C16orf96: variants seen among roughly 807,000 people sequenced by gnomAD.
C16orf96 encodes the protein chromosome 16 open reading frame 96.
Under a neutral mutation model 103.6 loss-of-function variants are expected in C16orf96, and 108 were observed. The ratio of observed to expected loss-of-function variants is 1.04; its 90% CI spans 0.89 to 1.22. The LOEUF (loss-of-function observed/expected upper bound fraction) is 1.22, where lower values mean the gene tolerates loss of function less well. Among genes scored for constraint, C16orf96 ranks in the 50% most tolerant of loss-of-function variants. The pLI is 0.00. For missense variants in C16orf96, 1,586 were observed against 1,464.2 expected (o/e 1.08, Z -1.36); for synonymous variants, 566 against 593.5 (o/e 0.95, Z 0.67).
chr16:4,576,967 G>A (rs546575018), intron 5 of C16orf96, among the ~76,000 whole-genome samples: 2 of 151,846 alleles, frequency 1.3e-5, no homozygotes, highest in Admixed American at 6.6e-5. Flanking sequence ...TGAGGTGGGC[G>A]GATCACCTGA....
chr16:4,565,557 C>T (rs2059378396), intron 1 of C16orf96, among the ~76,000 whole-genome samples: 1 of 152,224 alleles, frequency 6.6e-6, no homozygotes, highest in Non-Finnish European at 1.5e-5. Flanking sequence ...GGCACAGTCT[C>T]AGCTCACTGC....
chr16:4,562,884 G>C, intron 1 of C16orf96: 1 of 1,409,858 alleles, frequency 7.1e-7, no homozygotes, highest in Non-Finnish European at 1.0e-6. Flanking sequence ...TGGATTTAAA[G>C]AAATACCTTT....
Position 4,576,361 on chromosome 16 carries a change from G to A in C16orf96, c.1881G>A (p.Gly627=). Residue 627 remains glycine (G), a synonymous_variant, in exon 5 of 16, where the codon GGG becomes GGA. Transcript: ENST00000444310. ...TCTTTGCAGATGTCCTGGGTGCAGGGCCTTCCCGGGGAGCCACAGAATCCC... is the reference window on the plus strand; with the variant it reads ...TCTTTGCAGATGTCCTGGGTGCAGGACCTTCCCGGGGAGCCACAGAATCCC... The part of the protein sequence containing the change: ...LGVFADVLGA[G]PSRGATESQI... 4 of 1,550,902 alleles carry A rather than the reference G, an allele frequency of 2.6e-6. No individual in the cohort carries two copies. Among genetic ancestry groups the A allele is most frequent in the Non-Finnish European group, 3.5e-6 (4 of 1,147,002 alleles).
chr16:4,567,601 T>C (rs762592322), intron 1 of C16orf96, among the ~76,000 whole-genome samples: 28 of 150,508 alleles, frequency 1.9e-4, no homozygotes, highest in Admixed American at 1.1e-3. Flanking sequence ...CATATTCCTT[T>C]TGTGATTTCT....
Position 4,593,995 on chromosome 16 carries a change from G to C in C16orf96, c.2868-356G>C, listed in dbSNP as rs902600894. 2.0e-5 allele frequency among the ~76,000 whole-genome samples: 3 copies of C among 152,140 alleles called. No homozygotes were observed. Among genetic ancestry groups the C allele is most frequent in the East Asian group, 1.9e-4 (1 of 5,190 alleles). ...CGTCTGGCCAGGTGGGGGAAGAACCGGTGAATCGTCACCACAGCCGTGGGA... is the reference window on the plus strand; with the variant it reads ...CGTCTGGCCAGGTGGGGGAAGAACCCGTGAATCGTCACCACAGCCGTGGGA... On this transcript the variant is annotated intron_variant, in intron 12 of 15. Transcript: ENST00000444310. This position sits in a 1 kb window ranked among gnomAD's most constrained non-coding sequence, Gnocchi z 4.2.
intron 7 of C16orf96, 53 bp from the exon 8 acceptor site, chr16:4,586,986 T>G: frequency 1.3e-6 from 2 of 1,503,544 alleles, no homozygotes; most frequent in Non-Finnish European, 1.8e-6. Flanking sequence ...AGGTTGACAT[T>G]TTATCCTCAA....
rs1375316039 is a variant in C16orf96 at position 4,600,389 on chromosome 16, A to C, written c.*72A>C. 2.0e-6 allele frequency: 2 copies of C among 990,294 alleles called. No individual in the cohort carries two copies. Among genetic ancestry groups the C allele is most frequent in the African/African-American group, 3.1e-5 (1 of 32,762 alleles). 61.3% of individuals were successfully genotyped at this position (990,294 alleles called of 1,614,324 possible). ...AGGCTGAGGCCCATGTGGCCCTCCC[A>C]CTCCCACCAAGTCCCCTCCACATCG... On this transcript the variant is annotated 3_prime_UTR_variant, in exon 16 of 16. Transcript: ENST00000444310.
chr16:4,598,382 G>A (rs1259451901), intron 14 of C16orf96, among the ~76,000 whole-genome samples: 1 of 151,674 alleles, frequency 6.6e-6, no homozygotes. Flanking sequence ...GAAAAGAAAT[G>A]TCCAGAATAG....
In C16orf96 at chr16:4,593,141, G is replaced by C. The variant is rs1897096697; in HGVS notation, c.2775-83G>C. On this transcript the variant is annotated intron_variant, in intron 11 of 15. Transcript: ENST00000444310. This position sits in a 1 kb window ranked among gnomAD's most constrained non-coding sequence, Gnocchi z 4.2. ...GCACCTCCTTCCTCCTGCTGGGAAG[G>C]CTTCCTGGAGGGGTGGGAGACGAGC... The C allele has an allele frequency of 2.3e-6, 3 of 1,320,082 alleles. No homozygotes were observed. Among genetic ancestry groups the C allele is most frequent in the Admixed American group, 4.0e-5 (2 of 50,226 alleles). The allele number at this position is 1,320,082 out of a possible 1,614,324, so 81.8% of individuals were successfully genotyped here. A position where few individuals can be genotyped will look rare whatever the true frequency, so the allele number is the denominator to read the frequency against.
chr16:4,549,987 C>G, the C16orf96 span, among the ~76,000 whole-genome samples: 2 of 152,036 alleles, frequency 1.3e-5, no homozygotes, highest in East Asian at 1.9e-4. Flanking sequence ...ATTACCCAGT[C>G]TCAGGTATTC....
chr16:4,586,939 C>A, intron 7 of C16orf96, 100 bp from the exon 8 acceptor site: 1 of 1,106,014 alleles, frequency 9.0e-7, no homozygotes, highest in East Asian at 2.6e-5. Flanking sequence ...ACACGGCCTG[C>A]TATCCCTCCC....
At chr16:4,555,207 G>A (rs2141684121), upstream of C16orf96, among the ~76,000 whole-genome samples, 1 of 150,628 alleles carries the variant, frequency 6.6e-6, no homozygotes, top group East Asian at 2.1e-4. Context: ...AGGTTGCAGT[G>A]AGCGGAGATC....
rs761517536 is a variant in C16orf96 at position 4,594,347 on chromosome 16, G to T, written c.2868-4G>T. On this transcript the variant is annotated splice_region_variant and splice_polypyrimidine_tract_variant and intron_variant, in intron 12 of 15. Transcript: ENST00000444310. ...GTCGCTGCTGACCCACTGCCCTGCT[G>T]CAGGGAACAGCAGTGGCTGCAGCTC... The T allele has an allele frequency of 9.7e-6, 15 of 1,550,608 alleles. No individual in the cohort carries two copies. The African/African-American group carries it at 1.9e-4, about 20-fold the overall frequency.
intron 6 of C16orf96, among the ~76,000 whole-genome samples, chr16:4,579,281 G>T (rs541318924): frequency 1.3e-5 from 2 of 152,056 alleles, no homozygotes; most frequent in Non-Finnish European, 2.9e-5. Flanking sequence ...AAGCCGGTGC[G>T]GTGGCTCATA....
chr16:4,590,838 G>A (rs142126953), intron 9 of C16orf96, among the ~76,000 whole-genome samples: 1 of 149,704 alleles, frequency 6.7e-6, no homozygotes, highest in Admixed American at 6.7e-5. Context: ...GGCTAACATG[G>A]TGAAACCCCA....
intron 7 of C16orf96, among the ~76,000 whole-genome samples, chr16:4,582,886 A>G (rs1896824891): frequency 6.6e-6 from 1 of 152,176 alleles, no homozygotes; most frequent in South Asian, 2.1e-4. Context: ...GCCAAAACAG[A>G]GCACATCCCT....
chr16:4,556,450 G>T lies in C16orf96; in HGVS notation c.-40G>T. ...CTGAAAGCTACCCCTTGTCCTTGAG[G>T]ACACCTGGAACCCCAGCCCCACTGA... On this transcript the variant is annotated 5_prime_UTR_variant, in exon 1 of 16. Transcript: ENST00000444310. 1 of 1,482,986 alleles carries T rather than the reference G, an allele frequency of 6.7e-7. No homozygotes were observed. Among genetic ancestry groups the T allele is most frequent in the South Asian group, 1.3e-5 (1 of 74,582 alleles). The allele number at this position is 1,482,986 out of a possible 1,614,324, so 91.9% of individuals were successfully genotyped here. A position where few individuals can be genotyped will look rare whatever the true frequency, so the allele number is the denominator to read the frequency against.
At chr16:4,592,494 T>C (rs1897082683) in intron 11 of C16orf96, 127 bp downstream of exon 11, 7 of 1,114,632 alleles carry the variant, frequency 6.3e-6, no homozygotes, top group Middle Eastern at 2.0e-4. Context: ...TACAGCATTC[T>C]CTCCAGCCAT....
At chr16:4,589,638 C>G (rs930672361) in intron 9 of C16orf96, among the ~76,000 whole-genome samples, 2 of 151,556 alleles carry the variant, frequency 1.3e-5, no homozygotes, top group Admixed American at 6.6e-5. Flanking sequence ...CAACCAAAAG[C>G]AACACATGAA....
Sources: allele counts gnomAD v4.1 joint callset (sites outside exome capture counted in the v4.1 genomes callset), GRCh38; gene constraint gnomAD v4.1.1; non-coding constraint Gnocchi (gnomAD v3.1); transcripts MANE v1.5; gene names NCBI Gene and HGNC (gene_info 2026-07-23, HGNC 2026-07-21).